SDK1: variants seen among roughly 807,000 people sequenced by gnomAD.
SDK1 encodes the protein protein sidekick-1.
A neutral mutation model predicts 245.5 loss-of-function variants in SDK1; 157 were observed. The observed-to-expected ratio is 0.64, with a 90% CI of 0.56 to 0.73. The LOEUF (loss-of-function observed/expected upper bound fraction) is 0.73, where lower values mean the gene tolerates loss of function less well. Among genes scored for constraint, SDK1 ranks in the 30% least tolerant of loss-of-function variants. The probability of loss-of-function intolerance (pLI) is 0.00; values close to 1 mark genes in which losing one functional copy is unlikely to be tolerated. For synonymous variants in SDK1, 1,647 were observed against 1,278.5 expected (o/e 1.29, Z -6.15); for missense variants, 3,583 against 3,002.3 (o/e 1.19, Z -4.52).
chr7:3,522,020 A>C (rs1029263700), intron 1 of SDK1, among the ~76,000 whole-genome samples: 1 of 152,122 alleles, frequency 6.6e-6, no homozygotes, highest in African/African-American at 2.4e-5. Context: ...CACCACAATC[A>C]GGCATCTTCT....
chr7:3,951,048 C>G lies in SDK1; in HGVS notation c.959+14C>G, dbSNP rs1478138513. The G allele has an allele frequency of 1.8e-5, 28 of 1,550,400 alleles. No homozygotes were observed. Among genetic ancestry groups the G allele is most frequent in the Non-Finnish European group, 2.4e-5 (27 of 1,121,922 alleles). ...AGCCAGTGCCAGGTACGAGGCGCGTCTCCTGTGAGACTCCTAGTAAATATT... is the reference window on the plus strand; with the variant it reads ...AGCCAGTGCCAGGTACGAGGCGCGTGTCCTGTGAGACTCCTAGTAAATATT... On this transcript the variant is annotated intron_variant, in intron 6 of 44. Coordinates refer to ENST00000404826, the MANE Select transcript of SDK1 (RefSeq NM_152744.4).
chr7:4,073,713 C>G lies in SDK1; in HGVS notation c.3011-3285C>G, dbSNP rs914353229. Among the ~76,000 whole-genome samples, 5 of 152,194 alleles carry G rather than the reference C, an allele frequency of 3.3e-5. No homozygotes were observed. The East Asian group carries it at 5.8e-4, about 18-fold the overall frequency. ...AGGGATGTCTCAGTTCCCTTGCACA[C>G]ATCAGGAGGAGGTGCTGGAGGAGGA... On this transcript the variant is annotated intron_variant, in intron 20 of 44. Transcript: ENST00000404826.
intron 4 of SDK1, among the ~76,000 whole-genome samples, chr7:3,705,488 TTTATTTTTTA>T (rs1485184083): frequency 1.4e-5 from 2 of 140,792 alleles, no homozygotes; most frequent in Non-Finnish European, 3.0e-5. Flanking sequence ...TTTATTTTAT[TTTATTTTTTA>T]TTTTATTTTT....
chr7:3,609,763 C>G (rs937886811), intron 1 of SDK1, among the ~76,000 whole-genome samples: 4 of 146,880 alleles, frequency 2.7e-5, no homozygotes, highest in African/African-American at 1.0e-4. Context: ...TGCAGTGGCA[C>G]GATCTTGGCT....
At chr7:3,918,951 T>TACCTCACG (rs1779488812) in intron 5 of SDK1, among the ~76,000 whole-genome samples, 1 of 152,254 alleles carries the variant, frequency 6.6e-6, no homozygotes, top group Non-Finnish European at 1.5e-5. Context: ...CGGAGAATTA[T>TACCTCACG]TCTTCTATCT....
chr7:3,321,624 G>T (rs548153145), intron 1 of SDK1, among the ~76,000 whole-genome samples: 3 of 151,808 alleles, frequency 2.0e-5, no homozygotes, highest in South Asian at 2.1e-4. Context: ...TCATGTTTTC[G>T]CAAGTTTTTT....
At chr7:4,136,234 G>A (rs1026492482) in intron 28 of SDK1, among the ~76,000 whole-genome samples, 5 of 152,184 alleles carry the variant, frequency 3.3e-5, no homozygotes, top group African/African-American at 7.2e-5. Flanking sequence ...CATGTTGTCC[G>A]GGTAACCTGT....
At chr7:3,380,478 A>G (rs138112367) in intron 1 of SDK1, among the ~76,000 whole-genome samples, 1 of 152,362 alleles carries the variant, frequency 6.6e-6, no homozygotes, top group African/African-American at 2.4e-5. Flanking sequence ...TAGCACTTAC[A>G]TATTCAGGCT....
At chr7:4,224,552 C>T (rs1325144025) in intron 40 of SDK1, among the ~76,000 whole-genome samples, 1 of 152,164 alleles carries the variant, frequency 6.6e-6, no homozygotes, top group East Asian at 1.9e-4. Flanking sequence ...ACACCGGGGA[C>T]GATAATTCAA....
chr7:3,458,540 TG>T (rs1780736888), intron 1 of SDK1, among the ~76,000 whole-genome samples: 1 of 152,208 alleles, frequency 6.6e-6, no homozygotes, highest in Admixed American at 6.5e-5. Flanking sequence ...TTTTTTTTTT[TG>T]TACTTTTTTG....
intron 19 of SDK1, 142 bp downstream of exon 19, chr7:4,051,972 G>A (rs774657128): frequency 9.5e-5 from 64 of 675,022 alleles, no homozygotes; most frequent in Non-Finnish European, 1.3e-4. Flanking sequence ...CTCACCTAGG[G>A]AGATCAGGCA....
intron 5 of SDK1, among the ~76,000 whole-genome samples, chr7:3,931,139 G>A (rs1237392465): frequency 3.3e-5 from 5 of 152,108 alleles, no homozygotes; most frequent in Non-Finnish European, 7.3e-5. Flanking sequence ...TTGGGGCTTC[G>A]GTTCCTAACC....
chr7:4,168,182 C>G lies in SDK1; in HGVS notation c.4801-6040C>G, dbSNP rs75867687. Among the ~76,000 whole-genome samples, 808 of 152,310 alleles carry G rather than the reference C, an allele frequency of 5.3e-3. 7 individuals carry two copies. The highest frequency in any genetic ancestry group is 0.019 in the African/African-American group (787 of 41,570). ...GCAGAGTGGCCTCTGCCAGCTGCTG[C>G]CTTCAAGGAAGCCACCCTCTGGGGG... is the stretch of plus-strand genomic sequence containing the variant. On this transcript the variant is annotated intron_variant, in intron 32 of 44. Coordinates refer to ENST00000404826, the MANE Select transcript of SDK1 (RefSeq NM_152744.4).
At chr7:3,729,337 G>C (rs1779107433) in intron 4 of SDK1, among the ~76,000 whole-genome samples, 2 of 152,186 alleles carry the variant, frequency 1.3e-5, no homozygotes, top group South Asian at 4.1e-4. Flanking sequence ...TGTTGAAAGT[G>C]CTTGCTCTAG....
At chr7:3,391,141 G>A (rs977306846) in intron 1 of SDK1, among the ~76,000 whole-genome samples, 1 of 152,170 alleles carries the variant, frequency 6.6e-6, no homozygotes, top group Non-Finnish European at 1.5e-5. Flanking sequence ...ACCAGATCAA[G>A]AGGGGACAAA....
At chr7:4,215,027 C>A (rs1784713474) in intron 38 of SDK1, among the ~76,000 whole-genome samples, 1 of 152,220 alleles carries the variant, frequency 6.6e-6, no homozygotes. Context: ...TGGGGAAGGC[C>A]CTCCTCACCA....
intron 25 of SDK1, among the ~76,000 whole-genome samples, chr7:4,126,740 T>C (rs1269340640): frequency 6.6e-6 from 1 of 152,232 alleles, no homozygotes; most frequent in South Asian, 2.1e-4. Context: ...GGGTCGAGAA[T>C]GGCATGGCTG....
At chr7:3,347,885 T>G (rs1780550351) in intron 1 of SDK1, among the ~76,000 whole-genome samples, 1 of 106,946 alleles carries the variant, frequency 9.4e-6, no homozygotes, top group African/African-American at 4.9e-5. Flanking sequence ...ACAAACACAT[T>G]AAATATGTTT....
chr7:3,570,738 A>C (rs1267620542), intron 1 of SDK1, among the ~76,000 whole-genome samples: 1 of 152,178 alleles, frequency 6.6e-6, no homozygotes, highest in Admixed American at 6.5e-5. Flanking sequence ...GAGTCGGTGT[A>C]ATTTACTGCA....
Sources: allele counts gnomAD v4.1 joint callset (sites outside exome capture counted in the v4.1 genomes callset), GRCh38; gene constraint gnomAD v4.1.1; transcripts MANE v1.5; gene names NCBI Gene and HGNC (gene_info 2026-07-23, HGNC 2026-07-21).